Variants in SELP observed in about 807,000 individuals in gnomAD.
The protein encoded by SELP is selectin P, also known as P-selectin.
SELP carries 92 observed loss-of-function variants against 104.1 expected under a neutral mutation model. That is an observed-to-expected ratio of 0.88 (90% CI 0.75 to 1.05). The LOEUF (loss-of-function observed/expected upper bound fraction) is 1.05. Among genes scored for constraint, SELP ranks in the 50% least tolerant of loss-of-function variants. SELP has a pLI of 0.00. For synonymous variants in SELP, 397 were observed against 364.5 expected, an observed-to-expected ratio of 1.09 and a Z score of -1.01; for missense variants, 1,022 against 1,017.3, an observed-to-expected ratio of 1.00 and a Z score of -0.06.
At chr1:169,604,274 C>T (rs1017247645) in intron 9 of SELP, among the ~76,000 whole-genome samples, 37 of 151,918 alleles carry the variant, frequency 2.4e-4, no homozygotes, top group Admixed American at 2.0e-4. Flanking sequence ...TGTTCATATC[C>T]TTTGCCCACT....
At chr1:169,590,251 G>A (rs963055354) in intron 15 of SELP, 49 bp from the exon 16 acceptor site, 18 of 1,345,590 alleles carry the variant, frequency 1.3e-5, no homozygotes, top group East Asian at 2.3e-5. Context: ...CTTAGTTCTC[G>A]ACAACACAGT....
chr1:169,617,554 G>A lies in SELP; in HGVS notation c.95-140C>T, dbSNP rs1662883189. The A allele has an allele frequency of 5.8e-6, 5 of 855,202 alleles. No individual in the cohort carries two copies. The East Asian group carries it at 1.3e-4, about 22-fold the overall frequency. 53.0% of individuals were successfully genotyped at this position (855,202 alleles called of 1,614,324 possible). A position where few individuals can be genotyped will look rare whatever the true frequency, so the allele number is the denominator to read the frequency against. On this transcript the variant is annotated intron_variant, in intron 2 of 16. Transcript: ENST00000263686. ...AAACAACGACTAGTTTATGTCTAATGTAGTTGTTTGAAGGAAAAAGAGTGG... is the reference window on the plus strand; with the variant it reads ...AAACAACGACTAGTTTATGTCTAATATAGTTGTTTGAAGGAAAAAGAGTGG...
At chr1:169,620,795 TTGTG>T (rs779947394) in intron 1 of SELP, among the ~76,000 whole-genome samples, 6,305 of 110,514 alleles carry the variant, frequency 0.057, 144 homozygotes, top group South Asian at 0.13. Flanking sequence ...CGGTGTGGGG[TTGTG>T]TGTGTGTGTG....
chr1:169,622,171 C>T (rs147492742), intron 1 of SELP, among the ~76,000 whole-genome samples: 5 of 152,270 alleles, frequency 3.3e-5, no homozygotes, highest in East Asian at 3.9e-4. Flanking sequence ...AGAGATGATT[C>T]GAAATATTGG....
chr1:169,617,992 C>G (rs1290197637), intron 2 of SELP, among the ~76,000 whole-genome samples: 1 of 152,196 alleles, frequency 6.6e-6, no homozygotes, highest in Non-Finnish European at 1.5e-5. Flanking sequence ...TTCTCCATGG[C>G]TTTCCCAGGT....
Position 169,594,877 on chromosome 1 carries a change from G to GA in SELP, c.2102-1_2102insT (p.Ala701ValfsTer10). 1 of 1,608,686 alleles carries GA rather than the reference G, an allele frequency of 6.2e-7. No individual in the cohort carries two copies. The highest frequency in any genetic ancestry group is 8.5e-7 in the Non-Finnish European group (1 of 1,176,318). On this transcript the variant is annotated frameshift_variant and splice_region_variant. Transcript: ENST00000263686. LOFTEE classifies it high-confidence loss of function. The stretch of plus-strand genomic sequence containing the variant: ...AACATGTAGTTCTGAGCATTTCACA[G>GA]CTGCAGAAAAGAAATAATGCAAGAG...
intron 2 of SELP, among the ~76,000 whole-genome samples, chr1:169,617,798 C>A (rs757285939): frequency 1.3e-5 from 2 of 152,234 alleles, no homozygotes; most frequent in African/African-American, 4.8e-5. Flanking sequence ...AGGGCAAGCT[C>A]TACCTCTTCA....
At chr1:169,615,374 A>G (rs865920468) in intron 3 of SELP, among the ~76,000 whole-genome samples, 7 of 152,182 alleles carry the variant, frequency 4.6e-5, no homozygotes, top group Non-Finnish European at 1.0e-4. Context: ...AAGTTGTATT[A>G]ATTAGTGATG....
intron 7 of SELP, among the ~76,000 whole-genome samples, chr1:169,610,656 G>T (rs1322134725): frequency 1.3e-5 from 2 of 152,090 alleles, no homozygotes; most frequent in African/African-American, 4.8e-5. Flanking sequence ...AAAGTTGCCT[G>T]TAATCCTAGC....
intron 1 of SELP, among the ~76,000 whole-genome samples, chr1:169,623,749 A>C (rs2236867): frequency 0.57 from 86,168 of 151,512 alleles, 24,928 homozygotes; most frequent in Middle Eastern, 0.67. Flanking sequence ...CTATAGGAGA[A>C]CATAAAGGTC....
chr1:169,604,399 G>T (rs1662081033), intron 9 of SELP, among the ~76,000 whole-genome samples: 1 of 152,146 alleles, frequency 6.6e-6, no homozygotes, highest in Non-Finnish European at 1.5e-5. Context: ...CATTCTGTAG[G>T]TTGCCTGTTC....
chr1:169,590,959 T>C (rs927933869), intron 15 of SELP, among the ~76,000 whole-genome samples: 4 of 152,220 alleles, frequency 2.6e-5, no homozygotes, highest in African/African-American at 7.2e-5. Flanking sequence ...TTTTGCATCT[T>C]TAAAATGCAA....
intron 1 of SELP, among the ~76,000 whole-genome samples, chr1:169,629,257 T>C (rs1410458039): frequency 9.2e-5 from 14 of 152,208 alleles, no homozygotes; most frequent in Admixed American, 8.5e-4. Flanking sequence ...CATGAGCATA[T>C]AACATTGCTG....
chr1:169,603,536 T>C (rs1221307429), intron 9 of SELP, among the ~76,000 whole-genome samples: 1 of 152,116 alleles, frequency 6.6e-6, no homozygotes, highest in Admixed American at 6.5e-5. Context: ...TTTGGGAGGA[T>C]AGTGGTGCAA....
intron 1 of SELP, among the ~76,000 whole-genome samples, chr1:169,628,318 C>T (rs561189814): frequency 1.9e-3 from 297 of 152,362 alleles, no homozygotes; most frequent in Non-Finnish European, 3.5e-3. Context: ...TCCTCATTTT[C>T]TCAGGTCCTA....
intron 9 of SELP, among the ~76,000 whole-genome samples, chr1:169,605,682 A>G (rs1379308148): frequency 6.6e-6 from 1 of 152,198 alleles, no homozygotes. Flanking sequence ...TTGTATATAC[A>G]TCATAAAAAT....
intron 10 of SELP, among the ~76,000 whole-genome samples, chr1:169,597,377 G>C (rs1661681987): frequency 6.6e-6 from 1 of 152,216 alleles, no homozygotes; most frequent in Non-Finnish European, 1.5e-5. Context: ...AGCTTACAGA[G>C]AAGAGTATAG....
chr1:169,594,715 G>T lies in SELP; in HGVS notation c.2264C>A (p.Ser755Ter). Reference sequence around the variant, plus strand: ...ACCTTGGCAGGTTGGCACGGTAGTTGACCAGTGGCCATTCTCTTGGCATGC... The same window carrying T: ...ACCTTGGCAGGTTGGCACGGTAGTTTACCAGTGGCCATTCTCTTGGCATGC... Reference protein sequence around the residue: ...QTACQENGHWSTTVPTCQAGP... With the variant: ...QTACQENGHW The change falls in exon 13 of 17, where the codon TCA becomes TAA. Residue 755 changes from serine to a stop codon, truncating the protein, a stop_gained. Transcript: ENST00000263686. LOFTEE classifies it high-confidence loss of function. 1 of 1,613,602 alleles carries T rather than the reference G, an allele frequency of 6.2e-7. No homozygotes were observed. Among genetic ancestry groups the T allele is most frequent in the South Asian group, 1.1e-5 (1 of 91,026 alleles).
chr1:169,617,756 A>G (rs1443625562), intron 2 of SELP, among the ~76,000 whole-genome samples: 1 of 152,204 alleles, frequency 6.6e-6, no homozygotes, highest in Non-Finnish European at 1.5e-5. Context: ...AATTTGCCCA[A>G]GCTCAGATTA....
Sources: gnomAD v4.1 joint callset for allele counts (sites outside exome capture counted in the v4.1 genomes callset) on GRCh38, gnomAD v4.1.1 for gene constraint, MANE v1.5 for transcripts, NCBI Gene and HGNC (gene_info 2026-07-23, HGNC 2026-07-21) for gene names.